The following GRIN3A variants were observed in gnomAD, a reference collection of about 807,000 sequenced individuals.
GRIN3A encodes glutamate receptor ionotropic, NMDA 3A.
Under a neutral mutation model 92.4 loss-of-function variants are expected in GRIN3A, and 47 were observed. The ratio of observed to expected loss-of-function variants is 0.51; its 90% confidence interval spans 0.40 to 0.65. The LOEUF (loss-of-function observed/expected upper bound fraction) is 0.65, where lower values mean the gene tolerates loss of function less well. GRIN3A is among the 30% of genes least tolerant of loss of function. GRIN3A has a pLI of 0.00. For synonymous variants in GRIN3A, 527 were observed against 540.6 expected (o/e 0.97, Z 0.35); for missense variants, 1,324 against 1,393.1 (o/e 0.95, Z 0.79).
intron 6 of GRIN3A, among the ~76,000 whole-genome samples, chr9:101,608,878 C>T (rs1330217130): frequency 1.3e-5 from 2 of 152,210 alleles, no homozygotes; most frequent in Non-Finnish European, 2.9e-5. Context: ...GCCAGAATCA[C>T]TGTATCAAAG....
intron 2 of GRIN3A, among the ~76,000 whole-genome samples, chr9:101,677,345 CTT>C (rs1187647293): frequency 4.0e-5 from 6 of 151,876 alleles, no homozygotes; most frequent in Non-Finnish European, 7.4e-5. Context: ...CTTTAATACT[CTT>C]TATTTTATTT....
At chr9:101,649,786 G>A (rs1482537856) in intron 3 of GRIN3A, among the ~76,000 whole-genome samples, 2 of 151,968 alleles carry the variant, frequency 1.3e-5, no homozygotes, top group East Asian at 3.9e-4. Flanking sequence ...TTTTGCTGAT[G>A]TCACTGATGC....
chr9:101,700,426 A>G (rs1037366535), intron 1 of GRIN3A, among the ~76,000 whole-genome samples: 12 of 152,192 alleles, frequency 7.9e-5, no homozygotes, highest in Non-Finnish European at 1.2e-4. Flanking sequence ...TCTGATGTCA[A>G]TCAGAAAACT....
intron 3 of GRIN3A, among the ~76,000 whole-genome samples, chr9:101,632,325 C>T (rs1217728429): frequency 6.6e-6 from 1 of 152,164 alleles, no homozygotes; most frequent in Non-Finnish European, 1.5e-5. Context: ...AATTTGCCTT[C>T]CCTGCTAGAT....
rs1034198504 is a variant in GRIN3A, at chr9:101,671,210, A to G, written c.1305-103T>C. 1.9e-4 allele frequency: 160 copies of G among 836,670 alleles called. 3 individuals are homozygous for G. The East Asian group carries it at 4.0e-3, about 21-fold the overall frequency. The allele number at this position is 836,670 out of a possible 1,614,324, so 51.8% of individuals were successfully genotyped here. On this transcript the variant is annotated intron_variant, in intron 2 of 8. Transcript: ENST00000361820. ...CTTGTCTTAATAAAAATAAATTCGA[A>G]TTTTTATTTAAAAAGACAGTGCCTA... is the stretch of plus-strand genomic sequence containing the variant.
intron 3 of GRIN3A, among the ~76,000 whole-genome samples, chr9:101,661,406 A>C (rs749351974): frequency 6.6e-6 from 1 of 151,878 alleles, no homozygotes; most frequent in Admixed American, 6.6e-5. Flanking sequence ...CATTATATGC[A>C]TTGCGTGATA....
At chr9:101,697,062 C>A (rs1024751841) in intron 1 of GRIN3A, among the ~76,000 whole-genome samples, 21 of 152,088 alleles carry the variant, frequency 1.4e-4, no homozygotes, top group African/African-American at 5.1e-4. Flanking sequence ...TGTATAATGG[C>A]TTATTTCATT....
intron 3 of GRIN3A, among the ~76,000 whole-genome samples, chr9:101,661,580 G>A (rs1029314354): frequency 4.0e-5 from 6 of 151,894 alleles, no homozygotes; most frequent in African/African-American, 1.4e-4. Flanking sequence ...GCATTTTATA[G>A]CATATGGAAT....
Position 101,572,926 on chromosome 9 carries a change from T to C in GRIN3A, c.*248A>G, listed in dbSNP as rs1435465683. On this transcript the variant is annotated 3_prime_UTR_variant, in exon 9 of 9. Transcript: ENST00000361820. The stretch of plus-strand genomic sequence containing the variant: ...CTGGGGTTATCTGGTTATTCACAGA[T>C]CTCTCGCACAGAGCTTACTCCTGAC... 1.9e-6 allele frequency: 1 copy of C among 513,906 alleles called. No homozygotes were observed. The highest frequency in any genetic ancestry group is 3.5e-6 in the Non-Finnish European group (1 of 282,914). The allele number at this position is 513,906 out of a possible 1,614,324, so 31.8% of individuals were successfully genotyped here. A position where few individuals can be genotyped will look rare whatever the true frequency, so the allele number is the denominator to read the frequency against.
chr9:101,656,832 G>A (rs1468558387), intron 3 of GRIN3A, among the ~76,000 whole-genome samples: 1 of 151,924 alleles, frequency 6.6e-6, no homozygotes, highest in East Asian at 1.9e-4. Flanking sequence ...GGGAGAAGCA[G>A]CTTCACCTAT....
chr9:101,608,676 A>G (rs1319563740), intron 6 of GRIN3A, among the ~76,000 whole-genome samples: 2 of 152,162 alleles, frequency 1.3e-5, no homozygotes, highest in African/African-American at 2.4e-5. Context: ...CCACAATCCT[A>G]TAAAGTATAT....
chr9:101,663,633 T>G (rs1168851692), intron 3 of GRIN3A, among the ~76,000 whole-genome samples: 1 of 151,732 alleles, frequency 6.6e-6, no homozygotes, highest in Non-Finnish European at 1.5e-5. Context: ...AATAAAGGCG[T>G]TTTTTCTTAT....
At chr9:101,598,261 G>A (rs74835126) in intron 6 of GRIN3A, among the ~76,000 whole-genome samples, 271 of 152,226 alleles carry the variant, frequency 1.8e-3, no homozygotes, top group African/African-American at 6.1e-3. Context: ...TACAGCACAT[G>A]TCAATTAGAG....
At chr9:101,630,034 C>T (rs1384230281) in intron 3 of GRIN3A, among the ~76,000 whole-genome samples, 2 of 152,190 alleles carry the variant, frequency 1.3e-5, no homozygotes, top group Non-Finnish European at 2.9e-5. Context: ...GGGCTGTTCT[C>T]ATAGTAGCAA....
rs1055209995 is a variant in GRIN3A, at chr9:101,628,515, C to T, written c.2353-114G>A. 1.6e-5 allele frequency: 16 copies of T among 992,398 alleles called. No homozygotes were observed. The African/African-American group carries it at 1.9e-4, about 12-fold the overall frequency. 61.5% of individuals were successfully genotyped at this position (992,398 alleles called of 1,614,324 possible). On this transcript the variant is annotated intron_variant, in intron 3 of 8. Transcript: ENST00000361820. ...AATAATTCGGAACTTTTCTAACCCCCACAGGCAGAAACATGTACATAGAAA... is the reference window on the plus strand; with the variant it reads ...AATAATTCGGAACTTTTCTAACCCCTACAGGCAGAAACATGTACATAGAAA...
chr9:101,625,992 C>G (rs1344499893), intron 4 of GRIN3A, among the ~76,000 whole-genome samples: 1 of 152,146 alleles, frequency 6.6e-6, no homozygotes, highest in Admixed American at 6.5e-5. Flanking sequence ...CTGCAAAGTG[C>G]AGATAGCTAT....
chr9:101,673,487 G>A (rs922670622), intron 2 of GRIN3A, among the ~76,000 whole-genome samples: 3 of 152,062 alleles, frequency 2.0e-5, no homozygotes, highest in African/African-American at 7.2e-5. Flanking sequence ...CACCATTTAT[G>A]ACAGATTATT....
At chr9:101,582,527 A>G (rs1827901242) in intron 6 of GRIN3A, among the ~76,000 whole-genome samples, 1 of 152,158 alleles carries the variant, frequency 6.6e-6, no homozygotes, top group Non-Finnish European at 1.5e-5. Flanking sequence ...GGTACTAGGG[A>G]TTTTCCTGGG....
Position 101,594,570 on chromosome 9 carries a change from T to C in GRIN3A, c.2767-15210A>G, listed in dbSNP as rs1381709595. The C allele has an allele frequency of 2.5e-6, 4 of 1,614,074 alleles. No individual in the cohort carries two copies. The Admixed American group carries it at 5.0e-5, about 20-fold the overall frequency. On this transcript the variant is annotated intron_variant, in intron 6 of 8. Transcript: ENST00000361820. Reference sequence around the variant, plus strand: ...TCCGTCAGGTTGTTGCCCACCATCATCTTCAGCACCTGGAAGAGCTCCCCG... The same window carrying C: ...TCCGTCAGGTTGTTGCCCACCATCACCTTCAGCACCTGGAAGAGCTCCCCG...
Sources: gnomAD v4.1 joint callset for allele counts (sites outside exome capture counted in the v4.1 genomes callset) on GRCh38, gnomAD v4.1.1 for gene constraint, MANE v1.5 for transcripts, NCBI Gene and HGNC (gene_info 2026-07-23, HGNC 2026-07-21) for gene names.